Variants in RNF6 observed in about 807,000 individuals in gnomAD.
RNF6 encodes the protein E3 ubiquitin-protein ligase RNF6.
RNF6 carries 21 observed loss-of-function variants against 50.1 expected under a neutral mutation model. That is an observed-to-expected ratio of 0.42 (90% CI 0.30 to 0.60). The LOEUF is 0.60. Among genes scored for constraint, RNF6 ranks in the 20% least tolerant of loss-of-function variants. The probability of loss-of-function intolerance (pLI) is 0.20; values close to 1 mark genes in which losing one functional copy is unlikely to be tolerated. For missense variants in RNF6, 698 were observed against 838.2 expected, an observed-to-expected ratio of 0.83 and a Z score of 2.07; for synonymous variants, 255 against 291.8, an observed-to-expected ratio of 0.87 and a Z score of 1.29.
At chr13:26,149,752 A>G (rs548374131) in intron 5 of RNF6, among the ~76,000 whole-genome samples, 1 of 151,422 alleles carries the variant, frequency 6.6e-6, no homozygotes, top group South Asian at 2.1e-4. Flanking sequence ...TGGACTCTGG[A>G]GCCAGCAGGC....
intron 5 of RNF6, among the ~76,000 whole-genome samples, chr13:26,137,955 C>T (rs913084260): frequency 6.6e-6 from 1 of 151,926 alleles, no homozygotes; most frequent in African/African-American, 2.4e-5. Context: ...TGGCCAAAAG[C>T]TACCCCAATG....
intron 5 of RNF6, among the ~76,000 whole-genome samples, chr13:26,166,791 G>A (rs111241960): frequency 0.011 from 1,612 of 152,176 alleles, 27 homozygotes; most frequent in African/African-American, 0.037. Flanking sequence ...ATGGTGGTGC[G>A]TGCCTGTAAT....
intron 5 of RNF6, among the ~76,000 whole-genome samples, chr13:26,177,474 T>A (rs1873012912): frequency 1.3e-5 from 2 of 152,198 alleles, no homozygotes; most frequent in South Asian, 4.2e-4. Context: ...CAGAGTTCTG[T>A]CTTGGTTTCT....
intron 5 of RNF6, among the ~76,000 whole-genome samples, chr13:26,159,491 G>T (rs1187210143): frequency 5.3e-5 from 8 of 152,070 alleles, no homozygotes; most frequent in African/African-American, 1.9e-4. Flanking sequence ...CGGGCATGGT[G>T]GTGGGCACCT....
chr13:26,186,941 C>G (rs1027715562), intron 5 of RNF6, among the ~76,000 whole-genome samples: 1 of 152,126 alleles, frequency 6.6e-6, no homozygotes, highest in Non-Finnish European at 1.5e-5. Context: ...CCACGCCCGG[C>G]TAATTTTGTG....
At chr13:26,149,073 G>A (rs1871417360) in intron 5 of RNF6, 1 of 151,978 alleles carries the variant, frequency 6.6e-6, no homozygotes, top group Admixed American at 6.6e-5. Flanking sequence ...TCCAAAAATA[G>A]CCTCACAGAA....
At chr13:26,155,852 C>T (rs1472715166) in intron 5 of RNF6, among the ~76,000 whole-genome samples, 1 of 152,164 alleles carries the variant, frequency 6.6e-6, no homozygotes, top group Non-Finnish European at 1.5e-5. Context: ...GCAGCTCTTT[C>T]AGTTTAAGGG....
chr13:26,183,988 TAA>T (rs1427422173), intron 5 of RNF6, among the ~76,000 whole-genome samples: 1 of 115,970 alleles, frequency 8.6e-6, no homozygotes, highest in African/African-American at 3.2e-5. Context: ...AGCAGATAAA[TAA>T]AATATATATA....
At chr13:26,219,164 A>C in intron 3 of RNF6, 1 of 220,350 alleles carries the variant, frequency 4.5e-6, no homozygotes, top group Admixed American at 5.5e-5. Context: ...TATTTGTATA[A>C]AAATTACAAA....
At chr13:26,142,327 T>C (rs1871001115) in intron 5 of RNF6, 1 of 152,154 alleles carries the variant, frequency 6.6e-6, no homozygotes, top group Non-Finnish European at 1.5e-5. Flanking sequence ...TATGGAGATT[T>C]ATCAAAGAAC....
intron 5 of RNF6, among the ~76,000 whole-genome samples, chr13:26,155,985 A>G (rs933343423): frequency 2.6e-5 from 4 of 152,242 alleles, no homozygotes; most frequent in African/African-American, 9.6e-5. Flanking sequence ...AGAGAACAGC[A>G]TGAAAGCCGC....
intron 5 of RNF6, among the ~76,000 whole-genome samples, chr13:26,141,390 T>C (rs559981839): frequency 1.4e-5 from 2 of 146,602 alleles, no homozygotes; most frequent in South Asian, 4.3e-4. Flanking sequence ...GTTGTGCCAC[T>C]GCACTCCAGC....
At chr13:26,220,966 GT>G (rs1311281420) in intron 2 of RNF6, among the ~76,000 whole-genome samples, 1 of 152,018 alleles carries the variant, frequency 6.6e-6, no homozygotes, top group Admixed American at 6.5e-5. Context: ...TTTCACTGTG[GT>G]TATTTTATTA....
At chr13:26,216,074 T>C (rs1270479834) in intron 4 of RNF6, among the ~76,000 whole-genome samples, 2 of 152,338 alleles carry the variant, frequency 1.3e-5, no homozygotes, top group East Asian at 3.9e-4. Flanking sequence ...ATTTTTCCTA[T>C]TTCTCAGGTG....
chr13:26,160,657 G>C (rs555086951), intron 5 of RNF6, among the ~76,000 whole-genome samples: 3 of 151,444 alleles, frequency 2.0e-5, no homozygotes, highest in Non-Finnish European at 2.9e-5. Flanking sequence ...GAGACAGTTG[G>C]ATGATGTATT....
intron 5 of RNF6, among the ~76,000 whole-genome samples, chr13:26,153,085 G>A (rs1871709250): frequency 6.6e-6 from 1 of 151,722 alleles, no homozygotes; most frequent in African/African-American, 2.4e-5. Flanking sequence ...CCCAGGAGGT[G>A]GAGGTTGCAG....
intron 5 of RNF6, among the ~76,000 whole-genome samples, chr13:26,143,517 A>T (rs971828489): frequency 1.4e-5 from 2 of 147,018 alleles, no homozygotes; most frequent in South Asian, 2.2e-4. Context: ...TTGTAGGAAC[A>T]GGAAGAAAAC....
intron 5 of RNF6, among the ~76,000 whole-genome samples, chr13:26,156,087 C>CA (rs1364493115): frequency 6.6e-6 from 1 of 152,114 alleles, no homozygotes; most frequent in African/African-American, 2.4e-5. Context: ...TAGAATGGAT[C>CA]AAAACACAAA....
At chr13:26,173,451 G>T (rs1872798025) in intron 5 of RNF6, among the ~76,000 whole-genome samples, 1 of 152,114 alleles carries the variant, frequency 6.6e-6, no homozygotes, top group Admixed American at 6.5e-5. Context: ...TAAGAGTGAT[G>T]TGAAAATGAT....
Sources: gnomAD v4.1 joint callset for allele counts (sites outside exome capture counted in the v4.1 genomes callset) on GRCh38, gnomAD v4.1.1 for gene constraint, MANE v1.5 for transcripts, NCBI Gene and HGNC (gene_info 2026-07-23, HGNC 2026-07-21) for gene names.